Variants in MC2R observed in about 807,000 individuals in gnomAD.
The protein encoded by MC2R is adrenocorticotropic hormone receptor.
MC2R carries 9 observed loss-of-function variants against 9.8 expected under a neutral mutation model. That is an observed-to-expected ratio of 0.92 (90% CI 0.55 to 1.60). MC2R has a LOEUF of 1.60. MC2R is among the 40% of genes most tolerant of loss of function. MC2R has a pLI of 0.00. For missense variants in MC2R, 370 were observed against 389.0 expected, an observed-to-expected ratio of 0.95 and a Z score of 0.41; for synonymous variants, 185 against 154.7, an observed-to-expected ratio of 1.20 and a Z score of -1.45.
At chr18:13,911,482 T>C (rs2149144310) in intron 1 of MC2R, among the ~76,000 whole-genome samples, 1 of 152,348 alleles carries the variant, frequency 6.6e-6, no homozygotes, top group South Asian at 2.1e-4. Context: ...ATCTGCTTTT[T>C]CTCCCAGATG....
At chr18:13,905,847 A>C (rs1163563336) in intron 1 of MC2R, among the ~76,000 whole-genome samples, 1 of 152,108 alleles carries the variant, frequency 6.6e-6, no homozygotes, top group African/African-American at 2.4e-5. Flanking sequence ...CACGATGCCA[A>C]GAGATCGAGA....
Position 13,884,578 on chromosome 18 carries a change from C to T in MC2R, c.*47G>A. The T allele has an allele frequency of 6.3e-7, 1 of 1,598,824 alleles. No individual in the cohort carries two copies. The highest frequency in any genetic ancestry group is 8.5e-7 in the Non-Finnish European group (1 of 1,173,378). ...GTTGGAATGTTACACTATTCTGGCA[C>T]TTGGCAACGTTATTCCCATGGATTC... is the stretch of plus-strand genomic sequence containing the variant. On this transcript the variant is annotated 3_prime_UTR_variant, in exon 2 of 2. Transcript: ENST00000327606.
rs1332572153 is a variant in MC2R at position 13,882,948 on chromosome 18, G to A, written c.*1677C>T. 1 of 152,200 alleles carries A rather than the reference G, an allele frequency of 6.6e-6. No individual in the cohort carries two copies. Among genetic ancestry groups the A allele is most frequent in the Non-Finnish European group, 1.5e-5 (1 of 68,048 alleles). The allele number at this position is 152,200 out of a possible 1,614,324, so 9.4% of individuals were successfully genotyped here. A position where few individuals can be genotyped will look rare whatever the true frequency, so the allele number is the denominator to read the frequency against. The stretch of plus-strand genomic sequence containing the variant: ...TTTCTACAGAACAGAGGACAAGAAG[G>A]TGCACCTTTCACCTCCATCTGTGGG... On this transcript the variant is annotated 3_prime_UTR_variant, in exon 2 of 2. Transcript: ENST00000327606.
At chr18:13,896,537 C>T (rs1291492754) in intron 1 of MC2R, among the ~76,000 whole-genome samples, 1 of 152,088 alleles carries the variant, frequency 6.6e-6, no homozygotes, top group African/African-American at 2.4e-5. Context: ...AGATAAAAAA[C>T]AGTTAGAAAT....
chr18:13,913,688 A>C (rs910231272), intron 1 of MC2R, among the ~76,000 whole-genome samples: 2 of 152,172 alleles, frequency 1.3e-5, no homozygotes, highest in African/African-American at 4.8e-5. Context: ...GGGCCTGGAC[A>C]CGTCCTTCCT....
At chr18:13,892,666 T>C (rs891533238) in intron 1 of MC2R, among the ~76,000 whole-genome samples, 6 of 152,066 alleles carry the variant, frequency 3.9e-5, no homozygotes, top group Non-Finnish European at 8.8e-5. Context: ...CAGAATAATA[T>C]TTGGCCAAAT....
At position 13,899,249 on chromosome 18, in the gene MC2R, A is replaced by AGAATTGAT. The variant is rs1458237430; in HGVS notation, c.-128-13611_-128-13604dup. ...GAAGGCGTCAGAGTCTTTTAATAGC[A>AGAATTGAT]GAATTGATGAAGCAGAAGAAAGAAT... On this transcript the variant is annotated intron_variant, in intron 1 of 1. Transcript: ENST00000327606. Among the ~76,000 whole-genome samples the AGAATTGAT allele has an allele frequency of 1.1e-4, 16 of 152,350 alleles. No individual in the cohort carries two copies. The East Asian group carries it at 2.3e-3, about 22-fold the overall frequency.
intron 1 of MC2R, among the ~76,000 whole-genome samples, chr18:13,904,531 C>A (rs1316211591): frequency 6.6e-6 from 1 of 150,684 alleles, no homozygotes; most frequent in African/African-American, 2.5e-5. Flanking sequence ...TCAATATAAT[C>A]CTGGAAGTCC....
At chr18:13,894,923 C>A (rs2045337564) in intron 1 of MC2R, among the ~76,000 whole-genome samples, 1 of 152,254 alleles carries the variant, frequency 6.6e-6, no homozygotes, top group African/African-American at 2.4e-5. Flanking sequence ...CATCACAACA[C>A]CACAGCGTGT....
At chr18:13,907,404 G>A (rs1014086960) in intron 1 of MC2R, among the ~76,000 whole-genome samples, 4 of 152,130 alleles carry the variant, frequency 2.6e-5, no homozygotes, top group South Asian at 2.1e-4. Context: ...TCTAAGACCC[G>A]AAACTATGAA....
At chr18:13,904,441 C>T (rs544928111) in intron 1 of MC2R, among the ~76,000 whole-genome samples, 10 of 150,664 alleles carry the variant, frequency 6.6e-5, no homozygotes, top group Admixed American at 6.6e-5. Flanking sequence ...CAGCTAGCAT[C>T]ATACTGAATG....
intron 1 of MC2R, among the ~76,000 whole-genome samples, chr18:13,908,925 A>G (rs956633240): frequency 5.3e-5 from 8 of 152,222 alleles, no homozygotes; most frequent in Admixed American, 3.9e-4. Context: ...AGCATCTTAC[A>G]TCATGTTAAC....
rs28926174 is a variant in MC2R at position 13,886,658 on chromosome 18, T to C, written c.-128-1012A>G. Among the ~76,000 whole-genome samples, 978 of 152,286 alleles carry C rather than the reference T, an allele frequency of 6.4e-3. 14 individuals are homozygous for C. Among genetic ancestry groups the C allele is most frequent in the African/African-American group, 0.022 (926 of 41,542 alleles). ...TATACAATGAGCGTCAGCACTTCTG[T>C]TTCAAAGGTGGAGCTCCTGGGACTG... is the stretch of plus-strand genomic sequence containing the variant. On this transcript the variant is annotated intron_variant, in intron 1 of 1. Transcript: ENST00000327606.
At chr18:13,897,337 AATCGCT>A (rs1387053014) in intron 1 of MC2R, among the ~76,000 whole-genome samples, 3 of 152,148 alleles carry the variant, frequency 2.0e-5, no homozygotes, top group African/African-American at 7.2e-5. Flanking sequence ...AGCCAGGGGG[AATCGCT>A]GACCCCAATG....
At chr18:13,897,648 G>A (rs540286769) in intron 1 of MC2R, among the ~76,000 whole-genome samples, 88 of 152,148 alleles carry the variant, frequency 5.8e-4, no homozygotes, top group Non-Finnish European at 9.6e-4. Context: ...AGGAAGAGTA[G>A]GGAGGACTTT....
intron 1 of MC2R, among the ~76,000 whole-genome samples, chr18:13,914,835 G>A (rs2045467049): frequency 6.6e-6 from 1 of 152,232 alleles, no homozygotes; most frequent in Non-Finnish European, 1.5e-5. Context: ...GGCAGTGACT[G>A]CATGCTTTCT....
chr18:13,888,258 C>A (rs747272752), intron 1 of MC2R, among the ~76,000 whole-genome samples: 5 of 152,142 alleles, frequency 3.3e-5, no homozygotes, highest in Admixed American at 2.0e-4. Context: ...GACAGATACA[C>A]AGTGTGCCCA....
chr18:13,914,669 T>C (rs1270040955), intron 1 of MC2R, among the ~76,000 whole-genome samples: 1 of 152,160 alleles, frequency 6.6e-6, no homozygotes, highest in Admixed American at 6.5e-5. Flanking sequence ...TATGAGTGTG[T>C]GTGTGTAAGT....
At chr18:13,909,410 G>A (rs1235358436) in intron 1 of MC2R, among the ~76,000 whole-genome samples, 3 of 152,164 alleles carry the variant, frequency 2.0e-5, no homozygotes, top group Non-Finnish European at 4.4e-5. Flanking sequence ...CCTGCACACT[G>A]TTTCCATAAT....
Sources: allele counts gnomAD v4.1 joint callset (sites outside exome capture counted in the v4.1 genomes callset), GRCh38; gene constraint gnomAD v4.1.1; transcripts MANE v1.5; gene names NCBI Gene and HGNC (gene_info 2026-07-23, HGNC 2026-07-21).